Variants in ZEB2 observed in about 807,000 individuals in gnomAD.
ZEB2 encodes zinc finger E-box-binding homeobox 2.
ZEB2 carries 6 observed loss-of-function variants against 99.9 expected under a neutral mutation model. The observed-to-expected ratio is 0.06, with a 90% CI of 0.03 to 0.12. The LOEUF (loss-of-function observed/expected upper bound fraction) is 0.12, where lower values mean the gene tolerates loss of function less well. ZEB2 is among the 10% of genes least tolerant of loss of function. The pLI is 1.00. For missense variants in ZEB2, 969 were observed against 1,502.8 expected, an observed-to-expected ratio of 0.64 and a Z score of 5.87; for synonymous variants, 517 against 542.5, an observed-to-expected ratio of 0.95 and a Z score of 0.65.
intron 2 of ZEB2, among the ~76,000 whole-genome samples, chr2:144,480,864 A>C (rs545251709): frequency 2.6e-5 from 4 of 152,288 alleles, no homozygotes; most frequent in African/African-American, 9.6e-5. Flanking sequence ...ATTGCATGTA[A>C]GCATCTGCTT....
chr2:144,440,206 A>G (rs1269514979), intron 2 of ZEB2, among the ~76,000 whole-genome samples: 3 of 152,198 alleles, frequency 2.0e-5, no homozygotes, highest in Non-Finnish European at 2.9e-5. Flanking sequence ...ACTCAGACTC[A>G]TGAGAGATAG....
intron 6 of ZEB2, 75 bp downstream of exon 6, chr2:144,403,841 T>C: frequency 6.4e-7 from 1 of 1,572,622 alleles, no homozygotes; most frequent in East Asian, 2.2e-5. Context: ...AAATTAATAA[T>C]GATTGCCAAT....
chr2:144,390,281 G>C (rs541298737), intron 9 of ZEB2, among the ~76,000 whole-genome samples: 1 of 152,298 alleles, frequency 6.6e-6, no homozygotes, highest in East Asian at 1.9e-4. Context: ...AAAATTCTCA[G>C]ACAGGAAGCT....
At chr2:144,409,030 G>C (rs1158936571) in intron 4 of ZEB2, among the ~76,000 whole-genome samples, 1 of 152,154 alleles carries the variant, frequency 6.6e-6, no homozygotes, top group Non-Finnish European at 1.5e-5. Flanking sequence ...TATGAAGAGA[G>C]AATAAAGCAG....
intron 4 of ZEB2, among the ~76,000 whole-genome samples, chr2:144,419,943 T>C (rs1171347939): frequency 6.6e-6 from 1 of 152,234 alleles, no homozygotes; most frequent in Non-Finnish European, 1.5e-5. Flanking sequence ...TAGGCTATTC[T>C]TCTTTGCCTT....
chr2:144,490,221 T>C (rs1264011606), intron 2 of ZEB2, among the ~76,000 whole-genome samples: 1 of 152,172 alleles, frequency 6.6e-6, no homozygotes, highest in East Asian at 1.9e-4. Flanking sequence ...TTGCATGACA[T>C]CAGTCAAGTT....
At chr2:144,519,833 C>T (rs1446942654) in intron 1 of ZEB2, 106 bp downstream of exon 1, 7 of 368,432 alleles carry the variant, frequency 1.9e-5, no homozygotes, top group African/African-American at 4.3e-5. Flanking sequence ...CTTCTCACTT[C>T]AGACTCACAT....
rs1159270811 is a variant in ZEB2 at position 144,412,401 on chromosome 2, G to GAAGTAAGGTGA, written c.404-7388_404-7378dup. ...TTTATTATAATTTAGAGGAGTTGATGAAGTAAGGTGATTTTGCCCAGCAAT... is the reference window on the plus strand; with the variant it reads ...TTTATTATAATTTAGAGGAGTTGATGAAGTAAGGTGAAAGTAAGGTGATTTTGCCCAGCAAT... On this transcript the variant is annotated intron_variant, in intron 4 of 9. Coordinates refer to ENST00000627532, the MANE Select transcript of ZEB2 (RefSeq NM_014795.4). Among the ~76,000 whole-genome samples, 16 of 152,360 alleles carry GAAGTAAGGTGA rather than the reference G, an allele frequency of 1.1e-4. No homozygotes were observed. In the Middle Eastern group the frequency reaches 0.01, roughly 97 times the overall value.
chr2:144,453,251 C>T (rs1419370981), intron 2 of ZEB2, among the ~76,000 whole-genome samples: 1 of 152,188 alleles, frequency 6.6e-6, no homozygotes, highest in African/African-American at 2.4e-5. Flanking sequence ...ATGTGAGTTG[C>T]CTCACAGACT....
At chr2:144,423,275 G>A (rs1703644822) in intron 4 of ZEB2, among the ~76,000 whole-genome samples, 1 of 152,114 alleles carries the variant, frequency 6.6e-6, no homozygotes. Context: ...ATCAAAATCA[G>A]CTTTTATTTA....
At chr2:144,459,915 C>T (rs954896462) in intron 2 of ZEB2, among the ~76,000 whole-genome samples, 15 of 152,166 alleles carry the variant, frequency 9.9e-5, no homozygotes, top group African/African-American at 2.6e-4. Flanking sequence ...TTTAACACTC[C>T]GAAACTTTTG....
intron 2 of ZEB2, among the ~76,000 whole-genome samples, chr2:144,515,234 GA>G (rs1219340701): frequency 6.6e-6 from 1 of 152,086 alleles, no homozygotes; most frequent in Non-Finnish European, 1.5e-5. Flanking sequence ...ACAGAAGAGG[GA>G]AAAAAGCCTC....
At chr2:144,426,980 T>C (rs1316919671) in intron 3 of ZEB2, 1 of 152,184 alleles carries the variant, frequency 6.6e-6, no homozygotes, top group Non-Finnish European at 1.5e-5. Flanking sequence ...TTAAAGGCAA[T>C]CTGGCTGTCT....
intron 2 of ZEB2, among the ~76,000 whole-genome samples, chr2:144,479,611 G>A (rs1434043050): frequency 7.5e-6 from 1 of 134,082 alleles, no homozygotes; most frequent in Non-Finnish European, 1.5e-5. Flanking sequence ...TCCAAAGCAG[G>A]CTTCTGCTTT....
chr2:144,396,611 G>T lies in ZEB2; in HGVS notation c.2887-19C>A. The T allele has an allele frequency of 6.2e-7, 1 of 1,610,514 alleles. No individual in the cohort carries two copies. Among genetic ancestry groups the T allele is most frequent in the Non-Finnish European group, 8.5e-7 (1 of 1,179,066 alleles). ...ATTCTCCCTGCGATAGAATCACACA[G>T]TTCAATACAGTGGCTTCTCTTTGTG... On this transcript the variant is annotated intron_variant, in intron 8 of 9. Coordinates refer to ENST00000627532, the MANE Select transcript of ZEB2 (RefSeq NM_014795.4).
At chr2:144,395,592 C>T (rs1413577497) in intron 9 of ZEB2, among the ~76,000 whole-genome samples, 1 of 152,088 alleles carries the variant, frequency 6.6e-6, no homozygotes, top group Non-Finnish European at 1.5e-5. Context: ...GGATGAGGTT[C>T]AGCTACCTTA....
chr2:144,430,316 G>A (rs1171919123), intron 2 of ZEB2, among the ~76,000 whole-genome samples: 2 of 152,014 alleles, frequency 1.3e-5, no homozygotes, highest in East Asian at 3.9e-4. Flanking sequence ...TATGTAAAGA[G>A]ACGTATTGCA....
At chr2:144,418,334 G>A (rs1366310697) in intron 4 of ZEB2, among the ~76,000 whole-genome samples, 1 of 152,168 alleles carries the variant, frequency 6.6e-6, no homozygotes, top group Non-Finnish European at 1.5e-5. Context: ...AAAAGTTAAG[G>A]AGGAACCAGT....
intron 2 of ZEB2, among the ~76,000 whole-genome samples, chr2:144,480,356 G>A (rs1423320437): frequency 2.0e-5 from 3 of 152,238 alleles, no homozygotes; most frequent in South Asian, 4.1e-4. Flanking sequence ...CATCTGTGAA[G>A]CTACAGGGTA....
Sources: allele counts gnomAD v4.1 joint callset (sites outside exome capture counted in the v4.1 genomes callset), GRCh38; gene constraint gnomAD v4.1.1; transcripts MANE v1.5; gene names NCBI Gene and HGNC (gene_info 2026-07-23, HGNC 2026-07-21).